Variants in STARD8 observed in about 807,000 individuals in gnomAD.
The protein encoded by STARD8 is stAR-related lipid transfer protein 8.
A neutral mutation model predicts 69.4 loss-of-function variants in STARD8; 25 were observed. The ratio of observed to expected loss-of-function variants is 0.36; its 90% CI spans 0.26 to 0.50. The LOEUF (loss-of-function observed/expected upper bound fraction) is 0.50, where lower values mean the gene tolerates loss of function less well. Among genes scored for constraint, STARD8 ranks in the 20% least tolerant of loss-of-function variants. The pLI, the probability that STARD8 is intolerant of heterozygous loss-of-function variation, is 0.96. For synonymous variants in STARD8, 389 were observed against 374.6 expected (o/e 1.04, Z -0.45); for missense variants, 921 against 932.5 (o/e 0.99, Z 0.16).
At position 68,718,641 on chromosome X, in the gene STARD8, G is replaced by A. The variant is rs754286486; in HGVS notation, c.1715+12G>A. The stretch of plus-strand genomic sequence containing the variant: ...ACCAGACCCTGCAGGTGAGAGTTTG[G>A]GTTGGGATGGGGCGGACGCAGGGTC... On this transcript the variant is annotated intron_variant, in intron 6 of 14. Coordinates refer to ENST00000374599, the MANE Select transcript of STARD8 (RefSeq NM_001142503.3). 2 of 1,177,473 alleles carry A rather than the reference G, an allele frequency of 1.7e-6. No homozygotes were observed. Among genetic ancestry groups the A allele is most frequent in the Non-Finnish European group, 2.3e-6 (2 of 878,363 alleles).
chrX:68,690,438 G>GC (rs1374496555), intron 2 of STARD8, among the ~76,000 whole-genome samples: 1 of 110,331 alleles, frequency 9.1e-6, no homozygotes, highest in African/African-American at 3.3e-5. Flanking sequence ...AGGCAGGGCG[G>GC]GGGGACTGTT....
intron 2 of STARD8, among the ~76,000 whole-genome samples, chrX:68,710,791 G>A (rs929294545): frequency 1.8e-5 from 2 of 112,216 alleles, no homozygotes; most frequent in Admixed American, 9.4e-5. Context: ...CTGCTCCTGC[G>A]CCTGCCTCTC....
At chrX:68,663,789 C>T (rs1326914984) in intron 1 of STARD8, among the ~76,000 whole-genome samples, 3 of 111,919 alleles carry the variant, frequency 2.7e-5, no homozygotes, top group Non-Finnish European at 5.6e-5. Context: ...CATAGTTCCA[C>T]TTTGTAGCTT....
intron 2 of STARD8, among the ~76,000 whole-genome samples, chrX:68,700,565 T>G (rs1191536424): frequency 8.9e-6 from 1 of 112,515 alleles, no homozygotes; most frequent in African/African-American, 3.2e-5. Context: ...TTATCTGGGC[T>G]GGCCAAAGGC....
rs61743078 is a variant in STARD8, at chrX:68,718,314, C to T, written c.1400C>T (p.Pro467Leu). ...GAAGTCCAGCCAGCAGTCCTGGCTCCGGCTCAGGCTCCAGCTGAGGCTGAA... is the reference window on the plus strand; with the variant it reads ...GAAGTCCAGCCAGCAGTCCTGGCTCTGGCTCAGGCTCCAGCTGAGGCTGAA... The part of the protein sequence containing the change: ...QAEVQPAVLA[P>L]AQAPAEAEPV... The change falls in exon 6 of 15, where the codon CCG (proline) becomes CTG (leucine). Residue 467 changes from proline (P) to leucine (L), a missense_variant. Pro to Leu is a moderately conservative substitution (Grantham distance 98, BLOSUM62 -3). Coordinates refer to ENST00000374599, the MANE Select transcript of STARD8 (RefSeq NM_001142503.3). The T allele has an allele frequency of 3.3e-3, 3,933 of 1,208,823 alleles. 87 individuals are homozygous for T. In the African/African-American group the frequency reaches 0.059, roughly 18 times the overall value.
chrX:68,680,321 C>T (rs987531251), intron 2 of STARD8, among the ~76,000 whole-genome samples: 1 of 111,807 alleles, frequency 8.9e-6, no homozygotes, highest in Admixed American at 9.4e-5. Flanking sequence ...ATCTGTCCCA[C>T]GTGGGGCAGG....
intron 2 of STARD8, among the ~76,000 whole-genome samples, chrX:68,703,164 G>A (rs2079978891): frequency 8.9e-6 from 1 of 112,001 alleles, no homozygotes; most frequent in Non-Finnish European, 1.9e-5. Context: ...GGAGGCTGAG[G>A]TGGGAGGATT....
At chrX:68,651,399 A>G (rs1157410422) in intron 1 of STARD8, among the ~76,000 whole-genome samples, 1 of 112,304 alleles carries the variant, frequency 8.9e-6, no homozygotes, top group East Asian at 2.8e-4. Flanking sequence ...CCCTTTTCCA[A>G]TGCTGCTGCT....
intron 1 of STARD8, among the ~76,000 whole-genome samples, chrX:68,659,920 G>A (rs2079633720): frequency 9.0e-6 from 1 of 111,649 alleles, no homozygotes; most frequent in Non-Finnish European, 1.9e-5. Flanking sequence ...GTCCGAGGGA[G>A]TAGGAATTTT....
intron 7 of STARD8, 120 bp downstream of exon 7, chrX:68,719,518 A>G: frequency 1.2e-6 from 1 of 829,798 alleles, no homozygotes; most frequent in Non-Finnish European, 1.6e-6. Flanking sequence ...GGGAGCGGTG[A>G]GATATGCCAG....
At chrX:68,709,691 G>A (rs1375944599) in intron 2 of STARD8, among the ~76,000 whole-genome samples, 1 of 110,083 alleles carries the variant, frequency 9.1e-6, no homozygotes, top group Non-Finnish European at 1.9e-5. Context: ...TGGTGTGGTG[G>A]ATGCTATTGT....
intron 2 of STARD8, among the ~76,000 whole-genome samples, chrX:68,684,185 G>C (rs947620199): frequency 8.9e-6 from 1 of 112,558 alleles, no homozygotes; most frequent in African/African-American, 3.2e-5. Flanking sequence ...TTGAAGCTGT[G>C]GAGGTTCAGT....
intron 2 of STARD8, among the ~76,000 whole-genome samples, chrX:68,698,726 C>T (rs764720014): frequency 9.0e-6 from 1 of 110,696 alleles, no homozygotes; most frequent in Non-Finnish European, 1.9e-5. Flanking sequence ...AGTTGGGAAA[C>T]GGCTTCTGGT....
intron 1 of STARD8, among the ~76,000 whole-genome samples, chrX:68,653,157 A>C (rs1237853172): frequency 2.1e-4 from 2 of 9,474 alleles, no homozygotes; most frequent in Non-Finnish European, 4.0e-4. Context: ...ACCACACCAA[A>C]CACACACACC....
chrX:68,684,765 A>C (rs900401513), intron 2 of STARD8, among the ~76,000 whole-genome samples: 1 of 112,670 alleles, frequency 8.9e-6, no homozygotes, highest in Non-Finnish European at 1.9e-5. Context: ...TGGTCATTTG[A>C]AGGGAAAAGG....
intron 2 of STARD8, among the ~76,000 whole-genome samples, chrX:68,708,613 C>T (rs2080026132): frequency 9.0e-6 from 1 of 111,593 alleles, no homozygotes; most frequent in African/African-American, 3.3e-5. Flanking sequence ...TATGCCCTCT[C>T]CCCTGACTCT....
At chrX:68,724,240 T>A in intron 14 of STARD8, 65 bp from the exon 15 acceptor site, 1 of 1,179,851 alleles carries the variant, frequency 8.5e-7, no homozygotes, top group Non-Finnish European at 1.1e-6. Flanking sequence ...CCTTTCTTCC[T>A]TCTCCCTGGT....
intron 1 of STARD8, among the ~76,000 whole-genome samples, chrX:68,663,302 G>T (rs982409568): frequency 1.8e-5 from 2 of 111,954 alleles, no homozygotes; most frequent in East Asian, 5.6e-4. Flanking sequence ...GGACCTCAGA[G>T]AGAAAAAAAT....
chrX:68,702,884 G>C (rs2079976825), intron 2 of STARD8, among the ~76,000 whole-genome samples: 1 of 111,328 alleles, frequency 9.0e-6, no homozygotes, highest in Non-Finnish European at 1.9e-5. Context: ...AGTAAGTACT[G>C]TATAACTATT....
Sources: allele counts gnomAD v4.1 joint callset (sites outside exome capture counted in the v4.1 genomes callset), GRCh38; gene constraint gnomAD v4.1.1; transcripts MANE v1.5; gene names NCBI Gene and HGNC (gene_info 2026-07-23, HGNC 2026-07-21).